The following INPP4B variants were observed in gnomAD, a reference collection of about 807,000 sequenced individuals.
INPP4B encodes inositol polyphosphate-4-phosphatase type II B.
In INPP4B, 55 loss-of-function variants were observed where a neutral mutation model predicts 122.5. That is an observed-to-expected ratio of 0.45 (90% CI 0.36 to 0.56). The LOEUF (loss-of-function observed/expected upper bound fraction) is 0.56. Among genes scored for constraint, INPP4B ranks in the 20% least tolerant of loss-of-function variants. INPP4B has a pLI of 0.00. For missense variants in INPP4B, 1,000 were observed against 1,097.7 expected (o/e 0.91, Z 1.26); for synonymous variants, 403 against 388.7 (o/e 1.04, Z -0.43).
intron 2 of INPP4B, among the ~76,000 whole-genome samples, chr4:142,547,065 C>G (rs1176357963): frequency 6.6e-6 from 1 of 150,798 alleles, no homozygotes; most frequent in Non-Finnish European, 1.5e-5. Context: ...ACTTTTGATT[C>G]TCTGCACATT....
At chr4:142,116,562 A>G (rs1392956927) in intron 21 of INPP4B, among the ~76,000 whole-genome samples, 1 of 152,206 alleles carries the variant, frequency 6.6e-6, no homozygotes, top group Non-Finnish European at 1.5e-5. Context: ...CTGAATGACT[A>G]CTGGGTACAT....
intron 12 of INPP4B, among the ~76,000 whole-genome samples, chr4:142,223,182 A>G (rs942347162): frequency 2.6e-5 from 4 of 151,574 alleles, no homozygotes; most frequent in African/African-American, 9.7e-5. Flanking sequence ...TGTTCCACAC[A>G]TATGTGCATG....
intron 12 of INPP4B, 31 bp from the exon 13 acceptor site, chr4:142,209,057 AT>A: frequency 6.5e-7 from 1 of 1,546,356 alleles, no homozygotes; most frequent in Non-Finnish European, 8.8e-7. Flanking sequence ...GAGAAACTTT[AT>A]TTTTATCTTA....
intron 8 of INPP4B, among the ~76,000 whole-genome samples, chr4:142,311,605 A>G (rs1765537571): frequency 6.6e-6 from 1 of 152,150 alleles, no homozygotes; most frequent in Admixed American, 6.6e-5. Flanking sequence ...ATCTAGCAGG[A>G]GTGTGGAGAC....
intron 2 of INPP4B, among the ~76,000 whole-genome samples, chr4:142,476,101 A>G (rs1819736181): frequency 6.6e-6 from 1 of 152,206 alleles, no homozygotes; most frequent in South Asian, 2.1e-4. Context: ...GAGAAGGGAC[A>G]GGTCACCTAC....
chr4:142,661,468 T>C (rs553884078), intron 2 of INPP4B, among the ~76,000 whole-genome samples: 2 of 152,282 alleles, frequency 1.3e-5, no homozygotes, highest in South Asian at 4.1e-4. Flanking sequence ...GCTCTTAAAA[T>C]GGATATAAAC....
At chr4:142,806,964 C>G (rs1778943322) in intron 1 of INPP4B, among the ~76,000 whole-genome samples, 1 of 152,152 alleles carries the variant, frequency 6.6e-6, no homozygotes, top group Admixed American at 6.5e-5. Context: ...CCATTCTCAT[C>G]ATGTCTGCCC....
intron 1 of INPP4B, among the ~76,000 whole-genome samples, chr4:142,777,265 C>T (rs190896932): frequency 5.9e-5 from 9 of 152,194 alleles, no homozygotes; most frequent in Non-Finnish European, 1.2e-4. Context: ...GGTGATAGGG[C>T]GTAACTCTTG....
intron 7 of INPP4B, among the ~76,000 whole-genome samples, chr4:142,382,168 A>G (rs1458994750): frequency 6.6e-6 from 1 of 152,166 alleles, no homozygotes; most frequent in Non-Finnish European, 1.5e-5. Flanking sequence ...TTCAACAGAA[A>G]TGTATTCCCA....
intron 3 of INPP4B, among the ~76,000 whole-genome samples, chr4:142,442,378 C>G (rs546583788): frequency 7.4e-6 from 1 of 134,738 alleles, no homozygotes; most frequent in Middle Eastern, 4.8e-3. Context: ...TGCCACTGCA[C>G]TCCAGCCTGG....
In INPP4B at chr4:142,471,865, T is replaced by C. The variant is rs570378329; in HGVS notation, c.-190-9139A>G. Among the ~76,000 whole-genome samples, 4 of 150,306 alleles carry C rather than the reference T, an allele frequency of 2.7e-5. No individual in the cohort carries two copies. In the East Asian group the frequency reaches 8.0e-4, roughly 30 times the overall value. ...TTGCCTTCACCAGCCCCTTCCTCCA[T>C]AGTATACACACACACACACACACGT... On this transcript the variant is annotated intron_variant, in intron 2 of 25. Transcript: ENST00000262992.
intron 2 of INPP4B, among the ~76,000 whole-genome samples, chr4:142,587,511 A>G (rs922474171): frequency 5.3e-5 from 8 of 152,146 alleles, no homozygotes; most frequent in African/African-American, 1.9e-4. Flanking sequence ...AAAACATTAA[A>G]AGAAGAAATG....
chr4:142,287,944 C>T (rs1048402411), intron 9 of INPP4B, among the ~76,000 whole-genome samples: 14 of 152,138 alleles, frequency 9.2e-5, no homozygotes, highest in Non-Finnish European at 4.4e-5. Context: ...CCTGGCTTGC[C>T]AGTGGCTGCC....
chr4:142,762,881 C>T (rs1358349144), intron 1 of INPP4B, among the ~76,000 whole-genome samples: 1 of 152,102 alleles, frequency 6.6e-6, no homozygotes, highest in Non-Finnish European at 1.5e-5. Flanking sequence ...GAGTAGAGCC[C>T]TCACAAATGG....
chr4:142,656,399 T>C (rs903038151), intron 2 of INPP4B, among the ~76,000 whole-genome samples: 2 of 152,152 alleles, frequency 1.3e-5, no homozygotes, highest in African/African-American at 4.8e-5. Flanking sequence ...ACACAAAACC[T>C]CTCACTGTTG....
At chr4:142,069,544 A>C (rs1765721592) in intron 25 of INPP4B, among the ~76,000 whole-genome samples, 1 of 152,322 alleles carries the variant, frequency 6.6e-6, no homozygotes, top group Admixed American at 6.5e-5. Flanking sequence ...TCAATCCAGG[A>C]GCTGGTTTTT....
At chr4:142,280,053 G>A (rs926664690) in intron 9 of INPP4B, among the ~76,000 whole-genome samples, 17 of 151,546 alleles carry the variant, frequency 1.1e-4, no homozygotes, top group African/African-American at 3.6e-4. Flanking sequence ...ACTATGAGAC[G>A]CCACTTTAAC....
intron 9 of INPP4B, among the ~76,000 whole-genome samples, chr4:142,274,929 G>A (rs1389836842): frequency 2.0e-5 from 3 of 151,884 alleles, no homozygotes; most frequent in Non-Finnish European, 4.4e-5. Context: ...TCAGAAGATA[G>A]ACTTAAATAT....
chr4:142,373,854 G>A (rs944181919), intron 7 of INPP4B, among the ~76,000 whole-genome samples: 1 of 151,752 alleles, frequency 6.6e-6, no homozygotes, highest in Non-Finnish European at 1.5e-5. Flanking sequence ...CAAACAAAAA[G>A]CAACTTTTCC....
Sources: gnomAD v4.1 joint callset for allele counts (sites outside exome capture counted in the v4.1 genomes callset) on GRCh38, gnomAD v4.1.1 for gene constraint, MANE v1.5 for transcripts, NCBI Gene and HGNC (gene_info 2026-07-23, HGNC 2026-07-21) for gene names.